The following SNX29 variants were observed in gnomAD, a reference collection of about 807,000 sequenced individuals.
SNX29 encodes sorting nexin 29.
SNX29 carries 78 observed loss-of-function variants against 102.1 expected under a neutral mutation model. The ratio of observed to expected loss-of-function variants is 0.76; its 90% confidence interval spans 0.64 to 0.92. SNX29 has a LOEUF of 0.92. Ranked by LOEUF, SNX29 falls within the 40% of genes least tolerant of loss-of-function variation. The probability of loss-of-function intolerance (pLI) is 0.00; values close to 1 mark genes in which losing one functional copy is unlikely to be tolerated. For missense variants in SNX29, 1,280 were observed against 1,061.7 expected, an observed-to-expected ratio of 1.21 and a Z score of -2.86; for synonymous variants, 580 against 414.5, an observed-to-expected ratio of 1.40 and a Z score of -4.85.
At chr16:12,169,135 C>T (rs570229097) in intron 13 of SNX29, among the ~76,000 whole-genome samples, 46 of 152,334 alleles carry the variant, frequency 3.0e-4, no homozygotes, top group African/African-American at 8.2e-4. Context: ...TGTGAATATG[C>T]TGAAAACCAC....
chr16:12,460,878 C>T (rs973557999), intron 18 of SNX29, among the ~76,000 whole-genome samples: 4 of 152,128 alleles, frequency 2.6e-5, no homozygotes, highest in Admixed American at 6.5e-5. Flanking sequence ...AGGCTGGTCT[C>T]GAACGCCTGA....
chr16:12,164,774 G>A (rs562393050), intron 13 of SNX29, among the ~76,000 whole-genome samples: 1 of 139,544 alleles, frequency 7.2e-6, no homozygotes, highest in African/African-American at 2.7e-5. Context: ...TGCAACATCC[G>A]CCTCCCGGGT....
chr16:12,362,184 G>A (rs1472933173), intron 16 of SNX29, among the ~76,000 whole-genome samples: 1 of 152,194 alleles, frequency 6.6e-6, no homozygotes, highest in African/African-American at 2.4e-5. Context: ...ATTTCCCCAG[G>A]TCCCTGTTGG....
At chr16:12,355,843 TAAAAAA>T (rs56358290) in intron 15 of SNX29, among the ~76,000 whole-genome samples, 12 of 85,580 alleles carry the variant, frequency 1.4e-4, no homozygotes, top group Admixed American at 8.1e-4. Context: ...GAGATCTTAT[TAAAAAA>T]AAAAAAAAAA....
At chr16:12,431,668 G>A (rs985116697) in intron 18 of SNX29, among the ~76,000 whole-genome samples, 6 of 152,118 alleles carry the variant, frequency 3.9e-5, no homozygotes, top group African/African-American at 1.4e-4. Flanking sequence ...TCTCTGAGTT[G>A]AATGAAGTCA....
In SNX29 at chr16:12,339,836, T is replaced by C. The variant is rs2151251541; in HGVS notation, c.1783-16327T>C. Among the ~76,000 whole-genome samples the C allele has an allele frequency of 3.3e-5, 5 of 152,316 alleles. No individual in the cohort carries two copies. The Middle Eastern group carries it at 0.014, about 414-fold the overall frequency. On this transcript the variant is annotated intron_variant, in intron 15 of 20. Transcript: ENST00000566228. ...CTTCTGCCATCCCTGAACCAGTCAC[T>C]GTGGCTAAAGGATGAAATACACTCA... is the stretch of plus-strand genomic sequence containing the variant.
At chr16:12,546,260 C>G (rs1441114812) in intron 20 of SNX29, 1 of 152,228 alleles carries the variant, frequency 6.6e-6, no homozygotes, top group Non-Finnish European at 1.5e-5. Flanking sequence ...ACCCTTCGTA[C>G]AACTGTATTA....
rs76715499 is a variant in SNX29, at chr16:12,545,019, C to T, written c.2318+20178C>T. Among the ~76,000 whole-genome samples the T allele has an allele frequency of 3.7e-3, 563 of 152,296 alleles. 1 individual carries two copies. Among genetic ancestry groups the T allele is most frequent in the African/African-American group, 0.012 (487 of 41,554 alleles). On this transcript the variant is annotated intron_variant, in intron 20 of 20. Coordinates refer to ENST00000566228, the MANE Select transcript of SNX29 (RefSeq NM_032167.5). Reference sequence around the variant, plus strand: ...GGCACAGCTAGGAAGCAGCAGATGTCGGCTTCAGTAGCCAGGTCTGTGATG... The same window carrying T: ...GGCACAGCTAGGAAGCAGCAGATGTTGGCTTCAGTAGCCAGGTCTGTGATG...
chr16:12,238,436 C>T (rs1466044090), intron 14 of SNX29, among the ~76,000 whole-genome samples: 2 of 152,122 alleles, frequency 1.3e-5, no homozygotes, highest in Admixed American at 6.5e-5. Flanking sequence ...AGCGATTCTC[C>T]CGCATCAGCC....
At chr16:12,074,363 T>A (rs2051442991) in intron 10 of SNX29, among the ~76,000 whole-genome samples, 1 of 152,156 alleles carries the variant, frequency 6.6e-6, no homozygotes, top group African/African-American at 2.4e-5. Flanking sequence ...AGGGCAGGCC[T>A]GGTGGTGACA....
chr16:12,001,771 G>A (rs113974088), intron 2 of SNX29, among the ~76,000 whole-genome samples: 1,634 of 152,164 alleles, frequency 0.011, 34 homozygotes, highest in African/African-American at 0.037. Context: ...TAATCCCAGT[G>A]CTTTGAGAGG....
At chr16:12,086,148 C>T (rs947436803) in intron 11 of SNX29, among the ~76,000 whole-genome samples, 6 of 151,028 alleles carry the variant, frequency 4.0e-5, no homozygotes, top group Non-Finnish European at 7.4e-5. Flanking sequence ...GGACTACAGG[C>T]GCCCGCCACC....
rs764934649 is a variant in SNX29, at chr16:12,571,963, T to C, written c.*3334T>C. 5 of 1,061,616 alleles carry C rather than the reference T, an allele frequency of 4.7e-6. No individual in the cohort carries two copies. The highest frequency in any genetic ancestry group is 1.6e-5 in the African/African-American group (1 of 60,844). The allele number at this position is 1,061,616 out of a possible 1,614,324, so 65.8% of individuals were successfully genotyped here. ...TTTCAGGGAAGAGGCTCTTACAGTC[T>C]ATGGTGGTAGCCATCTTCACATCCA... On this transcript the variant is annotated 3_prime_UTR_variant, in exon 21 of 21. Transcript: ENST00000566228.
intron 11 of SNX29, chr16:12,087,570 C>G (rs368013160): frequency 3.0e-6 from 1 of 332,636 alleles, no homozygotes; most frequent in Non-Finnish European, 5.9e-6. Flanking sequence ...GTACCCCAGC[C>G]TGGGCAACAG....
At chr16:12,143,440 G>C (rs180852157) in intron 13 of SNX29, among the ~76,000 whole-genome samples, 376 of 152,246 alleles carry the variant, frequency 2.5e-3, no homozygotes, top group Non-Finnish European at 4.1e-3. Context: ...TGAGACAAGT[G>C]AGGCACCTAC....
chr16:12,196,480 G>A (rs1240042175), intron 13 of SNX29, among the ~76,000 whole-genome samples: 1 of 152,148 alleles, frequency 6.6e-6, no homozygotes, highest in African/African-American at 2.4e-5. Flanking sequence ...GCTTTTACCT[G>A]TAAGGGGGTC....
At chr16:12,230,090 A>T (rs1359583154) in intron 14 of SNX29, among the ~76,000 whole-genome samples, 1 of 152,234 alleles carries the variant, frequency 6.6e-6, no homozygotes, top group East Asian at 1.9e-4. Flanking sequence ...AACTTGCATC[A>T]GCCCGGATTT....
At chr16:12,213,065 G>A (rs2077229900) in intron 14 of SNX29, among the ~76,000 whole-genome samples, 1 of 152,146 alleles carries the variant, frequency 6.6e-6, no homozygotes, top group African/African-American at 2.4e-5. Context: ...AGTGAGCCGA[G>A]ATCGTGCCAC....
At chr16:12,514,918 GAGAAAGAAAGAA>G (rs68136330) in intron 19 of SNX29, among the ~76,000 whole-genome samples, 4 of 149,332 alleles carry the variant, frequency 2.7e-5, no homozygotes, top group South Asian at 2.1e-4. Flanking sequence ...GAAAGAAAGA[GAGAAAGAAAGAA>G]AGAAAGAAAG....
Sources: allele counts gnomAD v4.1 joint callset (sites outside exome capture counted in the v4.1 genomes callset), GRCh38; gene constraint gnomAD v4.1.1; transcripts MANE v1.5; gene names NCBI Gene and HGNC (gene_info 2026-07-23, HGNC 2026-07-21).